The following SLC12A6 variants were observed in gnomAD, a reference collection of about 807,000 sequenced individuals.
SLC12A6 encodes the protein K-Cl cotransporter 3.
In SLC12A6, 66 loss-of-function variants were observed where a neutral mutation model predicts 135.3. The ratio of observed to expected loss-of-function variants is 0.49; its 90% CI spans 0.40 to 0.60. SLC12A6 has a LOEUF of 0.60. SLC12A6 is among the 20% of genes least tolerant of loss of function. The pLI, the probability that SLC12A6 is intolerant of heterozygous loss-of-function variation, is 0.00. For synonymous variants in SLC12A6, 513 were observed against 508.8 expected (o/e 1.01, Z -0.11); for missense variants, 1,058 against 1,452.3 (o/e 0.73, Z 4.41).
intron 5 of SLC12A6, among the ~76,000 whole-genome samples, chr15:34,258,005 C>G (rs200086311): frequency 2.0e-5 from 3 of 152,044 alleles, no homozygotes; most frequent in South Asian, 4.1e-4. Context: ...TTTAACTTTA[C>G]AAAGGTTCCT....
At chr15:34,307,824 C>T (rs80092937) in intron 2 of SLC12A6, among the ~76,000 whole-genome samples, 1 of 152,112 alleles carries the variant, frequency 6.6e-6, no homozygotes, top group African/African-American at 2.4e-5. Flanking sequence ...AAGATGGAGA[C>T]AACTTTTAGG....
chr15:34,289,192 G>A (rs1895338770), intron 2 of SLC12A6, among the ~76,000 whole-genome samples: 1 of 152,134 alleles, frequency 6.6e-6, no homozygotes, highest in Non-Finnish European at 1.5e-5. Context: ...TTTTTACCAT[G>A]AAAGGCTGTT....
intron 2 of SLC12A6, among the ~76,000 whole-genome samples, chr15:34,305,354 T>C (rs910135196): frequency 1.3e-5 from 2 of 152,138 alleles, no homozygotes; most frequent in African/African-American, 4.8e-5. Flanking sequence ...TTAGGTGTCC[T>C]GAATCGATCC....
intron 15 of SLC12A6, among the ~76,000 whole-genome samples, chr15:34,244,276 C>G (rs955470702): frequency 2.0e-5 from 3 of 152,156 alleles, no homozygotes; most frequent in Non-Finnish European, 4.4e-5. Context: ...CACTCTTTAC[C>G]CAGTTGTTCT....
At chr15:34,279,788 A>G (rs1206242031) in intron 2 of SLC12A6, among the ~76,000 whole-genome samples, 2 of 152,250 alleles carry the variant, frequency 1.3e-5, no homozygotes, top group African/African-American at 4.8e-5. Flanking sequence ...ATCAAAAGCC[A>G]GAGATACTCT....
intron 1 of SLC12A6, 112 bp from the exon 2 acceptor site, chr15:34,336,864 T>A (rs977433421): frequency 4.7e-6 from 3 of 635,482 alleles, no homozygotes; most frequent in African/African-American, 1.8e-5. Flanking sequence ...CCGACTGTCC[T>A]AGAAAGTGCA....
In SLC12A6 at chr15:34,235,212, C is replaced by T; in HGVS notation, c.3330G>A (p.Gly1110=). Residue 1110 remains glycine (G), a synonymous_variant, in exon 25 of 26, where the codon GGG becomes GGA. Coordinates refer to ENST00000354181, the MANE Select transcript of SLC12A6 (RefSeq NM_001365088.1). ...CATCACCCTCAGGGTTTCGGGGTGGCCCTGGCATATTCAATAAAACCAGCT... is the reference window on the plus strand; with the variant it reads ...CATCACCCTCAGGGTTTCGGGGTGGTCCTGGCATATTCAATAAAACCAGCT... ...EAKLVLLNMP[G]PPRNPEGDEN... 1 of 1,613,950 alleles carries T rather than the reference C, an allele frequency of 6.2e-7. No homozygotes were observed. The highest frequency in any genetic ancestry group is 1.1e-5 in the South Asian group (1 of 91,082).
At chr15:34,292,757 G>C (rs1342148037) in intron 2 of SLC12A6, among the ~76,000 whole-genome samples, 1 of 152,170 alleles carries the variant, frequency 6.6e-6, no homozygotes, top group Non-Finnish European at 1.5e-5. Flanking sequence ...CCACGTCCCA[G>C]GTCAATCTCA....
chr15:34,266,582 C>T (rs1893539265), intron 3 of SLC12A6, among the ~76,000 whole-genome samples: 1 of 152,174 alleles, frequency 6.6e-6, no homozygotes, highest in African/African-American at 2.4e-5. Flanking sequence ...GCTAGGACTA[C>T]AGGCTTATGC....
At chr15:34,244,735 GC>G in intron 15 of SLC12A6, among the ~76,000 whole-genome samples, 1 of 152,154 alleles carries the variant, frequency 6.6e-6, no homozygotes, top group South Asian at 2.1e-4. Context: ...TATTTTCTTA[GC>G]AAATAACCAG....
chr15:34,331,381 T>C (rs1889835779), intron 2 of SLC12A6, among the ~76,000 whole-genome samples: 1 of 152,194 alleles, frequency 6.6e-6, no homozygotes, highest in Non-Finnish European at 1.5e-5. Context: ...CCTCAAGTGA[T>C]CCGCCCGCCT....
rs372775911 is a variant in SLC12A6, at chr15:34,306,719, G to T, written c.271+29691C>A. ...CCTAAAAGCATTAAAATCTTGGCAT[G>T]TAAGTCAAAAATTTAAAGTGCCACT... On this transcript the variant is annotated intron_variant, in intron 2 of 25. Transcript: ENST00000354181. Among the ~76,000 whole-genome samples, 14 of 152,312 alleles carry T rather than the reference G, an allele frequency of 9.2e-5. No individual in the cohort carries two copies. In the South Asian group the frequency reaches 1.4e-3, roughly 16 times the overall value.
chr15:34,251,116 A>C, intron 10 of SLC12A6, 59 bp from the exon 11 acceptor site: 1 of 1,251,506 alleles, frequency 8.0e-7, no homozygotes, highest in Non-Finnish European at 1.2e-6. Context: ...AAGATAATTA[A>C]TTTTCTACCC....
chr15:34,259,898 G>A lies in SLC12A6; in HGVS notation c.412-954C>T, dbSNP rs140548180. Among the ~76,000 whole-genome samples, 679 of 152,260 alleles carry A rather than the reference G, an allele frequency of 4.5e-3. 2 individuals are homozygous for A. The highest frequency in any genetic ancestry group is 0.015 in the African/African-American group (631 of 41,552). ...ATGTGGGATCTAAAAAGTAGAACTC[G>A]TAGTAATAGAATGGTGGTTACCAAA... is the stretch of plus-strand genomic sequence containing the variant. On this transcript the variant is annotated intron_variant, in intron 4 of 25. Coordinates refer to ENST00000354181, the MANE Select transcript of SLC12A6 (RefSeq NM_001365088.1).
At chr15:34,289,271 A>T (rs191646794) in intron 2 of SLC12A6, among the ~76,000 whole-genome samples, 1 of 152,112 alleles carries the variant, frequency 6.6e-6, no homozygotes, top group Non-Finnish European at 1.5e-5. Flanking sequence ...GGTTCTGTTT[A>T]TATGTTGGAT....
intron 2 of SLC12A6, among the ~76,000 whole-genome samples, chr15:34,300,645 T>G (rs1595529477): frequency 6.6e-6 from 1 of 151,944 alleles, no homozygotes; most frequent in Admixed American, 6.6e-5. Context: ...AGTTTTTAAT[T>G]AGCCAGTCAT....
intron 2 of SLC12A6, among the ~76,000 whole-genome samples, chr15:34,324,975 T>C (rs1483320474): frequency 6.6e-6 from 1 of 152,196 alleles, no homozygotes; most frequent in South Asian, 2.1e-4. Flanking sequence ...TTTGTTATTA[T>C]TAGATTTGAC....
intron 3 of SLC12A6, among the ~76,000 whole-genome samples, chr15:34,262,883 C>A (rs147227845): frequency 2.7e-4 from 41 of 152,316 alleles, no homozygotes; most frequent in African/African-American, 7.9e-4. Flanking sequence ...GGAGCGCAAG[C>A]CAGGCATAGC....
At position 34,288,003 on chromosome 15, in the gene SLC12A6, T is replaced by C. The variant is rs192726889; in HGVS notation, c.272-12614A>G. ...TTTAATTAGATCCCATTTGTCAATGTTGGCTTTTGTTGCCATTGCTTTGGT... is the reference window on the plus strand; with the variant it reads ...TTTAATTAGATCCCATTTGTCAATGCTGGCTTTTGTTGCCATTGCTTTGGT... On this transcript the variant is annotated intron_variant, in intron 2 of 25. Coordinates refer to ENST00000354181, the MANE Select transcript of SLC12A6 (RefSeq NM_001365088.1). Among the ~76,000 whole-genome samples the C allele has an allele frequency of 2.9e-3, 442 of 152,356 alleles. 3 individuals carry two copies. Among genetic ancestry groups the C allele is most frequent in the African/African-American group, 0.01 (419 of 41,578 alleles).
Sources: gnomAD v4.1 joint callset for allele counts (sites outside exome capture counted in the v4.1 genomes callset) on GRCh38, gnomAD v4.1.1 for gene constraint, MANE v1.5 for transcripts, NCBI Gene and HGNC (gene_info 2026-07-23, HGNC 2026-07-21) for gene names.